Variants in ATRAID observed in about 807,000 individuals in gnomAD.
ATRAID encodes the protein all-trans retinoic acid-induced differentiation factor.
A neutral mutation model predicts 28.8 loss-of-function variants in ATRAID; 26 were observed. The ratio of observed to expected loss-of-function variants is 0.90; its 90% confidence interval spans 0.66 to 1.25. ATRAID has a LOEUF of 1.25. Among genes scored for constraint, ATRAID ranks in the 50% most tolerant of loss-of-function variants. The pLI is 0.00. For synonymous variants in ATRAID, 131 were observed against 108.5 expected (o/e 1.21, Z -1.29); for missense variants, 308 against 285.9 (o/e 1.08, Z -0.56).
chr2:27,214,815 G>C lies in ATRAID; in HGVS notation c.222-506G>C, dbSNP rs186815709. Reference sequence around the variant, plus strand: ...TGCAGTGAGCCGAGATCGTGCCACTGCACTCCAGCTTGGGCAACAGAGTAA... The same window carrying C: ...TGCAGTGAGCCGAGATCGTGCCACTCCACTCCAGCTTGGGCAACAGAGTAA... On this transcript the variant is annotated intron_variant, in intron 2 of 6. Transcript: ENST00000380171. Among the ~76,000 whole-genome samples the C allele has an allele frequency of 1.5e-4, 23 of 152,348 alleles. No individual in the cohort carries two copies. In the East Asian group the frequency reaches 4.0e-3, roughly 27 times the overall value.
At chr2:27,216,092 G>A (rs915626631) in intron 5 of ATRAID, among the ~76,000 whole-genome samples, 1 of 152,170 alleles carries the variant, frequency 6.6e-6, no homozygotes, top group East Asian at 1.9e-4. Context: ...GCTGTTTTGC[G>A]GGCAGGGGAT....
chr2:27,216,533 T>G lies in ATRAID; in HGVS notation c.498T>G (p.Pro166=). The G allele has an allele frequency of 1.2e-6, 2 of 1,612,982 alleles. No homozygotes were observed. Among genetic ancestry groups the G allele is most frequent in the Non-Finnish European group, 1.7e-6 (2 of 1,178,872 alleles). Reference sequence around the variant, plus strand: ...CTCTCTGGCCTCCAGAAATGTGTCCTGAGAATGGATCTTGTGTACCTGATG... The same window carrying G: ...CTCTCTGGCCTCCAGAAATGTGTCCGGAGAATGGATCTTGTGTACCTGATG... ...CNNTGDPEMC[P]ENGSCVPDGP... The change falls in exon 6 of 7, where the codon CCT becomes CCG. Residue 166 remains proline (P), a synonymous_variant. Transcript: ENST00000380171.
At position 27,212,868 on chromosome 2, in the gene ATRAID, C is replaced by G. The variant is rs1558519428; in HGVS notation, c.100-309C>G. 6 of 446,120 alleles carry G rather than the reference C, an allele frequency of 1.3e-5. 1 individual carries two copies. The highest frequency in any genetic ancestry group is 2.3e-5 in the Non-Finnish European group (6 of 256,826). 27.6% of individuals were successfully genotyped at this position (446,120 alleles called of 1,614,324 possible). A position where few individuals can be genotyped will look rare whatever the true frequency, so the allele number is the denominator to read the frequency against. On this transcript the variant is annotated intron_variant, in intron 1 of 6. Transcript: ENST00000380171. The stretch of plus-strand genomic sequence containing the variant: ...TTACACCGCGCCAAACTAGGGCTGT[C>G]AGATTGAGAAGTCTCTGCAGAAAGC...
chr2:27,213,457 C>A, intron 2 of ATRAID, 159 bp downstream of exon 2: 2 of 916,820 alleles, frequency 2.2e-6, no homozygotes, highest in Non-Finnish European at 3.1e-6. Flanking sequence ...TCTTTTTTAA[C>A]CTTTCCACAC....
intron 2 of ATRAID, among the ~76,000 whole-genome samples, chr2:27,214,028 C>T (rs985091476): frequency 2.0e-5 from 3 of 152,222 alleles, no homozygotes; most frequent in African/African-American, 4.8e-5. Context: ...TCACCGCGCC[C>T]TCCACCTCCT....
rs754675453 is a variant in ATRAID, at chr2:27,216,958, G to A, written c.*10G>A. On this transcript the variant is annotated 3_prime_UTR_variant, in exon 7 of 7. Transcript: ENST00000380171. ...AGCCAAGACTTCATGAACTACATAGGTCTTACCATTGACCTAAGATCAATC... is the reference window on the plus strand; with the variant it reads ...AGCCAAGACTTCATGAACTACATAGATCTTACCATTGACCTAAGATCAATC... 6.3e-6 allele frequency: 10 copies of A among 1,593,242 alleles called. No individual in the cohort carries two copies. Among genetic ancestry groups the A allele is most frequent in the African/African-American group, 2.7e-5 (2 of 74,220 alleles).
Position 27,216,541 on chromosome 2 carries a change from G to C in ATRAID, c.506G>C (p.Gly169Ala). The change falls in exon 6 of 7, where the codon GGA becomes GCA. Residue 169 changes from glycine to alanine, a missense_variant. Transcript: ENST00000380171. ...TGDPEMCPEN[G>A]SCVPDGPGLL... ...CCTCCAGAAATGTGTCCTGAGAATG[G>C]ATCTTGTGTACCTGATGGTCCAGGT... is the stretch of plus-strand genomic sequence containing the variant. The C allele has an allele frequency of 2.5e-6, 4 of 1,614,062 alleles. No individual in the cohort carries two copies. In the South Asian group the frequency reaches 4.4e-5, roughly 18 times the overall value.
In ATRAID at chr2:27,212,295, G is replaced by C. The variant is rs762557057; in HGVS notation, c.-74G>C. 65 of 1,552,100 alleles carry C rather than the reference G, an allele frequency of 4.2e-5. 1 individual carries two copies. The highest frequency in any genetic ancestry group is 5.4e-5 in the Non-Finnish European group (62 of 1,147,910). On this transcript the variant is annotated 5_prime_UTR_variant, in exon 1 of 7. Transcript: ENST00000380171. Reference sequence around the variant, plus strand: ...GGCCGCTTAGGCCACGCCCGGGGAAGAGGGCCTGACGCGCTGCGGGGCGGG... The same window carrying C: ...GGCCGCTTAGGCCACGCCCGGGGAACAGGGCCTGACGCGCTGCGGGGCGGG...
At chr2:27,213,503 A>T (rs1674700124) in intron 2 of ATRAID, 2 of 492,586 alleles carry the variant, frequency 4.1e-6, no homozygotes, top group Admixed American at 4.1e-5. Context: ...CTTCCTATTA[A>T]GCATTTCCTA....
intron 1 of ATRAID, chr2:27,212,755 C>T (rs558107241): frequency 1.1e-6 from 1 of 890,460 alleles, no homozygotes; most frequent in Admixed American, 3.8e-5. Context: ...CTTGTGTAAT[C>T]TCTCTACGCA....
chr2:27,212,823 T>G, intron 1 of ATRAID: 1 of 512,372 alleles, frequency 2.0e-6, no homozygotes, highest in Non-Finnish European at 3.2e-6. Flanking sequence ...TGATGAGTTC[T>G]TTACGTACCT....
In ATRAID at chr2:27,216,857, T is replaced by C. The variant is rs994999314; in HGVS notation, c.599T>C (p.Leu200Pro). 1.9e-5 allele frequency: 30 copies of C among 1,614,018 alleles called. No homozygotes were observed. Among genetic ancestry groups the C allele is most frequent in the Non-Finnish European group, 2.5e-5 (30 of 1,179,966 alleles). Residue 200 changes from leucine to proline, a missense_variant, in exon 7 of 7, where the codon CTG (leucine) becomes CCG (proline). Leu to Pro is a moderately conservative substitution (Grantham distance 98). Transcript: ENST00000380171. ...YKCMRQGSFS[L>P]LMFFGILGAT... is the part of the protein sequence containing the mutation. ...TGTTGTTCACAGGGCTCGTTCTCACTGCTTATGTTCTTCGGGATTCTGGGA... is the reference window on the plus strand; with the variant it reads ...TGTTGTTCACAGGGCTCGTTCTCACCGCTTATGTTCTTCGGGATTCTGGGA...
At chr2:27,215,871 C>A in intron 5 of ATRAID, 118 bp downstream of exon 5, 1 of 1,349,650 alleles carries the variant, frequency 7.4e-7, no homozygotes, top group Non-Finnish European at 1.0e-6. Context: ...GGGGCTATAA[C>A]CCCTTTGAAA....
rs1163312593 is a variant in ATRAID, at chr2:27,213,188, A to G, written c.111A>G (p.Gln37=). ...RALALPEICT[Q]CPGSVQNLSK... is the part of the protein sequence containing the mutation. ...TTTCTCTTCTGCAGATATGCACCCA[A>G]TGTCCAGGGAGCGTGCAAAATTTGT... The change falls in exon 2 of 7, where the codon CAA becomes CAG. Residue 37 remains glutamine, a synonymous_variant. Coordinates refer to ENST00000380171, the MANE Select transcript of ATRAID (RefSeq NM_001170795.4). The G allele has an allele frequency of 4.3e-6, 7 of 1,613,696 alleles. No individual in the cohort carries two copies. In the East Asian group the frequency reaches 6.7e-5, roughly 15 times the overall value.
chr2:27,212,346 G>C lies in ATRAID; in HGVS notation c.-23G>C, dbSNP rs944561840. The C allele has an allele frequency of 1.3e-6, 2 of 1,550,022 alleles. No individual in the cohort carries two copies. Among genetic ancestry groups the C allele is most frequent in the Non-Finnish European group, 1.7e-6 (2 of 1,146,616 alleles). Reference sequence around the variant, plus strand: ...GCCGCGGGGCCGGGTCGCGCGAGCAGCGGAGCACCAAGGGAACGGAAAATG... The same window carrying C: ...GCCGCGGGGCCGGGTCGCGCGAGCACCGGAGCACCAAGGGAACGGAAAATG... On this transcript the variant is annotated 5_prime_UTR_variant, in exon 1 of 7. Transcript: ENST00000380171.
chr2:27,217,151 TC>T lies in ATRAID; in HGVS notation c.*204del. ...TTGTTGCCTATAATAAACACTTTTT[TC>T]TTTTTTTTTCCTCTCTTTCTTTTTA... On this transcript the variant is annotated 3_prime_UTR_variant, in exon 7 of 7. Coordinates refer to ENST00000380171, the MANE Select transcript of ATRAID (RefSeq NM_001170795.4). 1 of 446,030 alleles carries T rather than the reference TC, an allele frequency of 2.2e-6. No individual in the cohort carries two copies. Among genetic ancestry groups the T allele is most frequent in the Non-Finnish European group, 4.0e-6 (1 of 253,024 alleles). The allele number at this position is 446,030 out of a possible 1,614,324, so 27.6% of individuals were successfully genotyped here.
chr2:27,212,901 A>G (rs1572409445), intron 1 of ATRAID: 1 of 477,628 alleles, frequency 2.1e-6, no homozygotes, highest in Non-Finnish European at 3.7e-6. Flanking sequence ...AGCATAATAA[A>G]TAAGTTCGAA....
In ATRAID at chr2:27,215,488, AC is replaced by A. The variant is rs760103019; in HGVS notation, c.313del (p.Leu105SerfsTer18). 1.9e-6 allele frequency: 3 copies of A among 1,614,076 alleles called. No homozygotes were observed. Among genetic ancestry groups the A allele is most frequent in the South Asian group, 2.2e-5 (2 of 91,078 alleles). ...GTACTTTGCAGAGACCTGCAAGCAA[AC>A]CCCCTCAAAGGTGACTTGGCCAACA... The part of the protein sequence containing the change: ...HTTVIIDLQA[N>X]PLKGDLANTF... On this transcript the variant is annotated frameshift_variant, in exon 4 of 7. Transcript: ENST00000380171. LOFTEE classifies it high-confidence loss of function.
chr2:27,217,135 A>G lies in ATRAID; in HGVS notation c.*187A>G, dbSNP rs1674883849. The G allele has an allele frequency of 3.8e-6, 2 of 529,724 alleles. No homozygotes were observed. Among genetic ancestry groups the G allele is most frequent in the South Asian group, 2.6e-5 (1 of 38,044 alleles). The allele number at this position is 529,724 out of a possible 1,614,324, so 32.8% of individuals were successfully genotyped here. A position where few individuals can be genotyped will look rare whatever the true frequency, so the allele number is the denominator to read the frequency against. On this transcript the variant is annotated 3_prime_UTR_variant, in exon 7 of 7. Transcript: ENST00000380171. Reference sequence around the variant, plus strand: ...CCAGTTCCCATTGGTGTTGTTGCCTATAATAAACACTTTTTTCTTTTTTTT... The same window carrying G: ...CCAGTTCCCATTGGTGTTGTTGCCTGTAATAAACACTTTTTTCTTTTTTTT...
Sources: allele counts gnomAD v4.1 joint callset (sites outside exome capture counted in the v4.1 genomes callset), GRCh38; gene constraint gnomAD v4.1.1; transcripts MANE v1.5; gene names NCBI Gene and HGNC (gene_info 2026-07-23, HGNC 2026-07-21).